GAREM1: variants seen among roughly 807,000 people sequenced by gnomAD.
GAREM1 encodes GRB2-associated and regulator of MAPK protein 1.
Under a neutral mutation model 71.3 loss-of-function variants are expected in GAREM1, and 26 were observed. The ratio of observed to expected loss-of-function variants is 0.36; its 90% CI spans 0.27 to 0.51. The LOEUF is 0.51. Among genes scored for constraint, GAREM1 ranks in the 20% least tolerant of loss-of-function variants. The probability of loss-of-function intolerance (pLI) is 0.95; values close to 1 mark genes in which losing one functional copy is unlikely to be tolerated. For missense variants in GAREM1, 1,026 were observed against 1,103.1 expected, an observed-to-expected ratio of 0.93 and a Z score of 0.99; for synonymous variants, 440 against 433.2, an observed-to-expected ratio of 1.02 and a Z score of -0.20.
At chr18:32,456,731 C>G (rs1041336306) in intron 1 of GAREM1, among the ~76,000 whole-genome samples, 1 of 151,986 alleles carries the variant, frequency 6.6e-6, no homozygotes, top group Admixed American at 6.6e-5. Flanking sequence ...AAACAATGAA[C>G]AAATTAATGA....
intron 1 of GAREM1, among the ~76,000 whole-genome samples, chr18:32,435,947 T>C (rs993404712): frequency 6.6e-6 from 1 of 152,204 alleles, no homozygotes; most frequent in Admixed American, 6.5e-5. Flanking sequence ...GGTCTCCTAG[T>C]TAAGCAGTAG....
intron 2 of GAREM1, among the ~76,000 whole-genome samples, chr18:32,357,248 A>G (rs1432618279): frequency 1.3e-5 from 2 of 152,228 alleles, no homozygotes; most frequent in African/African-American, 4.8e-5. Flanking sequence ...AGGCCGAAGC[A>G]GGAGGATCAC....
At chr18:32,285,706 T>C (rs1317618116) in intron 4 of GAREM1, among the ~76,000 whole-genome samples, 2 of 152,258 alleles carry the variant, frequency 1.3e-5, no homozygotes, top group African/African-American at 4.8e-5. Context: ...TCCTATTGTT[T>C]ATCACCTTTT....
rs1478761304 is a variant in GAREM1, at chr18:32,265,704, G to T, written c.*2167C>A. On this transcript the variant is annotated 3_prime_UTR_variant, in exon 6 of 6. Coordinates refer to ENST00000269209, the MANE Select transcript of GAREM1 (RefSeq NM_001242409.2). The stretch of plus-strand genomic sequence containing the variant: ...ATTTTGTGTAAAGTTTTTACAAAAA[G>T]AAAAAAAACGCTAAAAGGAGTCAGT... 2.0e-5 allele frequency: 3 copies of T among 151,636 alleles called. No individual in the cohort carries two copies. The allele number at this position is 151,636 out of a possible 1,614,324, so 9.4% of individuals were successfully genotyped here. A position where few individuals can be genotyped will look rare whatever the true frequency, so the allele number is the denominator to read the frequency against.
At chr18:32,408,651 T>C (rs553096063) in intron 1 of GAREM1, among the ~76,000 whole-genome samples, 45 of 152,224 alleles carry the variant, frequency 3.0e-4, no homozygotes, top group Middle Eastern at 3.4e-3. Flanking sequence ...AAATACCCAG[T>C]AACCAACTCT....
chr18:32,372,550 G>A (rs2047992578), intron 2 of GAREM1, among the ~76,000 whole-genome samples: 1 of 152,112 alleles, frequency 6.6e-6, no homozygotes, highest in African/African-American at 2.4e-5. Flanking sequence ...TTAGCAAGGG[G>A]GTACTGACAA....
intron 1 of GAREM1, among the ~76,000 whole-genome samples, chr18:32,394,988 G>A (rs1395578207): frequency 6.6e-6 from 1 of 152,170 alleles, no homozygotes; most frequent in Admixed American, 6.6e-5. Flanking sequence ...CAGTGATCAG[G>A]ACACATAAGC....
chr18:32,319,277 C>A (rs1386760897), intron 2 of GAREM1, among the ~76,000 whole-genome samples: 1 of 152,112 alleles, frequency 6.6e-6, no homozygotes, highest in Admixed American at 6.5e-5. Context: ...TAGCCAGTTG[C>A]CATTTTTCAA....
At chr18:32,313,038 T>C (rs1157948267) in intron 2 of GAREM1, among the ~76,000 whole-genome samples, 1 of 152,202 alleles carries the variant, frequency 6.6e-6, no homozygotes, top group African/African-American at 2.4e-5. Context: ...TTGAGGTTCA[T>C]GGTCATTAAT....
chr18:32,347,034 T>C (rs146350511), intron 2 of GAREM1, among the ~76,000 whole-genome samples: 132 of 152,298 alleles, frequency 8.7e-4, no homozygotes, highest in African/African-American at 3.1e-3. Flanking sequence ...GAATATAAAC[T>C]TTCCCCAAGA....
rs1337237381 is a variant in GAREM1 at position 32,264,417 on chromosome 18, T to C, written c.*3454A>G. ...TGACTTATACAAAGTGTTTAGAAAA[T>C]GAAGGACCCTCCATCCTTCCACACC... On this transcript the variant is annotated 3_prime_UTR_variant, in exon 6 of 6. Transcript: ENST00000269209. The C allele has an allele frequency of 2.6e-5, 4 of 152,180 alleles. No individual in the cohort carries two copies. Among genetic ancestry groups the C allele is most frequent in the Non-Finnish European group, 5.9e-5 (4 of 68,038 alleles). 9.4% of individuals were successfully genotyped at this position (152,180 alleles called of 1,614,324 possible).
chr18:32,408,726 T>C (rs1011648581), intron 1 of GAREM1, among the ~76,000 whole-genome samples: 1 of 152,164 alleles, frequency 6.6e-6, no homozygotes, highest in Non-Finnish European at 1.5e-5. Flanking sequence ...CAACCCATGA[T>C]TAGGAGCTCC....
intron 4 of GAREM1, among the ~76,000 whole-genome samples, chr18:32,271,633 A>T (rs2041464638): frequency 6.6e-6 from 1 of 152,208 alleles, no homozygotes; most frequent in Non-Finnish European, 1.5e-5. Context: ...ACCATGGTCC[A>T]CACACTGACA....
chr18:32,314,174 C>T (rs1337579680), intron 2 of GAREM1, among the ~76,000 whole-genome samples: 1 of 151,522 alleles, frequency 6.6e-6, no homozygotes, highest in East Asian at 1.9e-4. Flanking sequence ...TCATTTGTCT[C>T]TATTCCTACC....
intron 1 of GAREM1, chr18:32,413,175 A>G: frequency 1.2e-6 from 2 of 1,600,644 alleles, no homozygotes; most frequent in Non-Finnish European, 1.7e-6. Context: ...TGACTTAGAC[A>G]TGACGGCAGG....
At chr18:32,354,966 T>C (rs2047790035) in intron 2 of GAREM1, among the ~76,000 whole-genome samples, 1 of 152,100 alleles carries the variant, frequency 6.6e-6, no homozygotes, top group South Asian at 2.1e-4. Flanking sequence ...GAATAAAAAT[T>C]AGAAATGAGT....
chr18:32,282,494 A>T (rs1449951547), intron 4 of GAREM1, among the ~76,000 whole-genome samples: 1 of 152,098 alleles, frequency 6.6e-6, no homozygotes, highest in African/African-American at 2.4e-5. Context: ...ACACTGCCAC[A>T]CAAATGGTTT....
intron 2 of GAREM1, among the ~76,000 whole-genome samples, chr18:32,331,906 C>T (rs764480975): frequency 1.4e-4 from 21 of 151,900 alleles, no homozygotes; most frequent in East Asian, 1.9e-4. Context: ...GTGGGAAGGA[C>T]GCACGGCAGG....
intron 1 of GAREM1, among the ~76,000 whole-genome samples, chr18:32,419,572 T>G (rs1329862635): frequency 6.6e-6 from 1 of 152,192 alleles, no homozygotes. Context: ...CCTCCAGAAC[T>G]GTGAGAAATA....
Sources: gnomAD v4.1 joint callset for allele counts (sites outside exome capture counted in the v4.1 genomes callset) on GRCh38, gnomAD v4.1.1 for gene constraint, MANE v1.5 for transcripts, NCBI Gene and HGNC (gene_info 2026-07-23, HGNC 2026-07-21) for gene names.